Variants in SIK3 observed in about 807,000 individuals in gnomAD.
The protein encoded by SIK3 is SIK family kinase 3, also known as serine/threonine-protein kinase SIK3.
In SIK3, 28 loss-of-function variants were observed where a neutral mutation model predicts 144.2. That is an observed-to-expected ratio of 0.19 (90% CI 0.14 to 0.27). The LOEUF (loss-of-function observed/expected upper bound fraction) is 0.27. Among genes scored for constraint, SIK3 ranks in the 10% least tolerant of loss-of-function variants. SIK3 has a pLI of 1.00. For missense variants in SIK3, 1,319 were observed against 1,776.0 expected, an observed-to-expected ratio of 0.74 and a Z score of 4.62; for synonymous variants, 686 against 676.3, an observed-to-expected ratio of 1.01 and a Z score of -0.22.
At chr11:116,994,996 T>C (rs1007436862) in intron 1 of SIK3, among the ~76,000 whole-genome samples, 1 of 151,924 alleles carries the variant, frequency 6.6e-6, no homozygotes, top group Non-Finnish European at 1.5e-5. Flanking sequence ...AGGCCGGGCA[T>C]GGTGGCTCAC....
intron 1 of SIK3, among the ~76,000 whole-genome samples, chr11:117,086,832 T>C (rs1034804009): frequency 3.3e-5 from 5 of 151,260 alleles, no homozygotes; most frequent in African/African-American, 9.7e-5. Context: ...CCGTCTCTAC[T>C]AAAAATACAA....
intron 4 of SIK3, among the ~76,000 whole-genome samples, chr11:116,905,563 C>CT (rs1031578090): frequency 1.3e-5 from 2 of 152,358 alleles, no homozygotes; most frequent in African/African-American, 4.8e-5. Context: ...TTATACATCC[C>CT]TACCAGCAAC....
intron 5 of SIK3, 148 bp from the exon 6 acceptor site, chr11:116,896,524 C>A: frequency 1.2e-6 from 1 of 828,270 alleles, no homozygotes; most frequent in Non-Finnish European, 1.8e-6. Context: ...TAACAATCTT[C>A]TTTGCTTCTA....
At chr11:116,920,248 C>T (rs1946886709) in intron 4 of SIK3, among the ~76,000 whole-genome samples, 1 of 151,800 alleles carries the variant, frequency 6.6e-6, no homozygotes, top group African/African-American at 2.4e-5. Flanking sequence ...AATGAAATCC[C>T]ACATCCTAAC....
At chr11:117,098,037 G>C (rs1170735401) in intron 1 of SIK3, 106 bp downstream of exon 1, 88 of 1,139,352 alleles carry the variant, frequency 7.7e-5, no homozygotes, top group Non-Finnish European at 8.8e-5. Flanking sequence ...GGCCCCCAAC[G>C]CTCCCACCAC....
intron 1 of SIK3, among the ~76,000 whole-genome samples, chr11:117,004,275 G>A (rs769361367): frequency 2.0e-5 from 3 of 152,166 alleles, no homozygotes; most frequent in Non-Finnish European, 2.9e-5. Flanking sequence ...AGCATGTTGC[G>A]AGGCCGAGGT....
chr11:116,970,678 T>C (rs1351169385), intron 1 of SIK3, among the ~76,000 whole-genome samples: 2 of 151,854 alleles, frequency 1.3e-5, no homozygotes, highest in Non-Finnish European at 2.9e-5. Context: ...AGAGACAGAG[T>C]CTTGCTCCGT....
rs184028434 is a variant in SIK3 at position 116,885,242 on chromosome 11, T to C, written c.866-8200A>G. 6.6e-5 allele frequency among the ~76,000 whole-genome samples: 10 copies of C among 152,306 alleles called. No individual in the cohort carries two copies. In the East Asian group the frequency reaches 1.9e-3, roughly 29 times the overall value. Reference sequence around the variant, plus strand: ...GATGGAGCCCATAAGAAAAGTTTCTTTAGGAATCAATAAACATGCACTGAG... The same window carrying C: ...GATGGAGCCCATAAGAAAAGTTTCTCTAGGAATCAATAAACATGCACTGAG... On this transcript the variant is annotated intron_variant, in intron 6 of 24. Coordinates refer to ENST00000445177, the MANE Select transcript of SIK3 (RefSeq NM_001366686.3).
chr11:116,938,572 G>A (rs185756302), intron 3 of SIK3, among the ~76,000 whole-genome samples: 268 of 17,708 alleles, frequency 0.015, 11 homozygotes, highest in African/African-American at 0.029. Flanking sequence ...GGAGGGGAGG[G>A]GAGGGGAGGG....
chr11:116,906,904 T>G (rs1310350565), intron 4 of SIK3, among the ~76,000 whole-genome samples: 1 of 152,250 alleles, frequency 6.6e-6, no homozygotes, highest in East Asian at 1.9e-4. Context: ...AATCCTAAGT[T>G]ATATACAAAT....
chr11:116,878,110 C>A (rs1374633722), intron 6 of SIK3, among the ~76,000 whole-genome samples: 1 of 152,114 alleles, frequency 6.6e-6, no homozygotes, highest in Non-Finnish European at 1.5e-5. Context: ...TCCAAATCCC[C>A]CAACACTAAT....
At chr11:117,066,784 T>C (rs955479119) in intron 1 of SIK3, among the ~76,000 whole-genome samples, 7 of 152,182 alleles carry the variant, frequency 4.6e-5, no homozygotes, top group African/African-American at 1.4e-4. Context: ...TCCTCCCACT[T>C]TGGCCTCCCA....
rs11216264 is a variant in SIK3 at position 117,072,417 on chromosome 11, T to C, written c.273+25726A>G. On this transcript the variant is annotated intron_variant, in intron 1 of 24. Coordinates refer to ENST00000445177, the MANE Select transcript of SIK3 (RefSeq NM_001366686.3). ...AATAAAAATAAAAATAAAAATAAAA[T>C]AACATGACTGTGTCCAAAAAGCATA... 4.5e-4 allele frequency among the ~76,000 whole-genome samples: 69 copies of C among 151,828 alleles called. No homozygotes were observed. In the East Asian group the frequency reaches 0.013, roughly 28 times the overall value.
chr11:116,983,673 TTAGAGGTGC>T (rs1950227665), intron 1 of SIK3, among the ~76,000 whole-genome samples: 2 of 152,200 alleles, frequency 1.3e-5, no homozygotes, highest in Non-Finnish European at 2.9e-5. Flanking sequence ...TTTAAACTTA[TTAGAGGTGC>T]TAACTTCTGC....
At chr11:116,958,937 T>A (rs7120173) in intron 1 of SIK3, among the ~76,000 whole-genome samples, 5 of 152,122 alleles carry the variant, frequency 3.3e-5, no homozygotes, top group Non-Finnish European at 7.4e-5. Context: ...CTAGAACAAA[T>A]AGCTTGGTCT....
chr11:117,010,356 C>T (rs1372993199), intron 1 of SIK3, among the ~76,000 whole-genome samples: 1 of 152,086 alleles, frequency 6.6e-6, no homozygotes, highest in Non-Finnish European at 1.5e-5. Flanking sequence ...GTGTGACTTC[C>T]CCAGTCCTGG....
chr11:116,944,680 C>G (rs1211143897), intron 3 of SIK3, among the ~76,000 whole-genome samples: 2 of 152,172 alleles, frequency 1.3e-5, no homozygotes, highest in African/African-American at 4.8e-5. Context: ...TGATTTTAAT[C>G]TGTATCCTTT....
intron 1 of SIK3, among the ~76,000 whole-genome samples, chr11:116,989,647 A>G (rs1384535050): frequency 2.0e-5 from 3 of 152,184 alleles, no homozygotes; most frequent in African/African-American, 7.2e-5. Context: ...AATTAAAATG[A>G]AAAATTAGAC....
At chr11:117,009,216 G>C (rs1302235231) in intron 1 of SIK3, among the ~76,000 whole-genome samples, 1 of 136,752 alleles carries the variant, frequency 7.3e-6, no homozygotes, top group Non-Finnish European at 1.5e-5. Flanking sequence ...CTGGGCGACA[G>C]AGTGAGACAC....
Sources: allele counts gnomAD v4.1 joint callset (sites outside exome capture counted in the v4.1 genomes callset), GRCh38; gene constraint gnomAD v4.1.1; transcripts MANE v1.5; gene names NCBI Gene and HGNC (gene_info 2026-07-23, HGNC 2026-07-21).